SLC35D1: variants seen among roughly 807,000 people sequenced by gnomAD.
The protein encoded by SLC35D1 is nucleotide sugar transporter SLC35D1.
In SLC35D1, 31 loss-of-function variants were observed where a neutral mutation model predicts 46.7. The observed-to-expected ratio is 0.66, with a 90% confidence interval of 0.50 to 0.90. The LOEUF (loss-of-function observed/expected upper bound fraction) is 0.90, where lower values mean the gene tolerates loss of function less well. SLC35D1 is among the 40% of genes least tolerant of loss of function. The pLI, the probability that SLC35D1 is intolerant of heterozygous loss-of-function variation, is 0.00. For synonymous variants in SLC35D1, 195 were observed against 164.6 expected, an observed-to-expected ratio of 1.18 and a Z score of -1.41; for missense variants, 397 against 426.2, an observed-to-expected ratio of 0.93 and a Z score of 0.60.
the SLC35D1 span, among the ~76,000 whole-genome samples, chr1:66,982,801 T>A: frequency 0.11 from 17,437 of 152,218 alleles, 2,424 homozygotes; most frequent in African/African-American, 0.34. Context: ...GTTCCCTCAC[T>A]ACTTCTAGGA....
At chr1:67,017,079 T>C (rs1459017338) in intron 10 of SLC35D1, among the ~76,000 whole-genome samples, 2 of 152,164 alleles carry the variant, frequency 1.3e-5, no homozygotes, top group Non-Finnish European at 2.9e-5. Flanking sequence ...TTGAGGCTTT[T>C]AAAAGTCTAA....
the SLC35D1 span, chr1:66,973,005 A>G: frequency 1.3e-6 from 2 of 1,491,396 alleles, no homozygotes; most frequent in African/African-American, 1.4e-5. Flanking sequence ...AGTAATGATA[A>G]TCTCTTTTTT....
chr1:67,053,720 T>G, intron 1 of SLC35D1, 91 bp downstream of exon 1: 1 of 1,234,240 alleles, frequency 8.1e-7, no homozygotes, highest in Non-Finnish European at 1.1e-6. Flanking sequence ...CGGCTTTAAC[T>G]TTGGCAGTCA....
the SLC35D1 span, among the ~76,000 whole-genome samples, chr1:66,975,764 C>T: frequency 2.0e-5 from 3 of 152,110 alleles, no homozygotes; most frequent in Non-Finnish European, 4.4e-5. Flanking sequence ...ACTTAGTAAA[C>T]AAAGCATTAG....
At chr1:66,986,413 A>G in the SLC35D1 span, 4 of 1,613,076 alleles carry the variant, frequency 2.5e-6, 1 homozygote, top group South Asian at 3.3e-5. Context: ...GCATACTCCA[A>G]ATGCTTCTTC....
the SLC35D1 span, among the ~76,000 whole-genome samples, chr1:66,991,199 T>C: frequency 1.3e-5 from 2 of 152,232 alleles, no homozygotes; most frequent in Non-Finnish European, 2.9e-5. Context: ...TCTAGGATTT[T>C]TGAAAACTTT....
At chr1:67,032,285 TA>T (rs766457050) in intron 8 of SLC35D1, among the ~76,000 whole-genome samples, 29 of 152,340 alleles carry the variant, frequency 1.9e-4, no homozygotes, top group Non-Finnish European at 3.7e-4. Flanking sequence ...ACTACGCTTT[TA>T]TTTTTTTTAA....
At chr1:66,974,280 G>T in the SLC35D1 span, among the ~76,000 whole-genome samples, 3 of 151,870 alleles carry the variant, frequency 2.0e-5, no homozygotes, top group African/African-American at 7.3e-5. Context: ...TACCCCTAAT[G>T]TTGTGTTCAT....
rs115734515 is a variant in SLC35D1, at chr1:67,025,367, C to T, written c.730-3765G>A. The stretch of plus-strand genomic sequence containing the variant: ...TTTCCTCATTGATCTATTTTCACAC[C>T]TTTGACAAAAATGATTGCCCACATG... On this transcript the variant is annotated intron_variant, in intron 8 of 11. Coordinates refer to ENST00000235345, the MANE Select transcript of SLC35D1 (RefSeq NM_015139.3). Among the ~76,000 whole-genome samples, 858 of 152,214 alleles carry T rather than the reference C, an allele frequency of 5.6e-3. 6 individuals carry two copies. The highest frequency in any genetic ancestry group is 0.019 in the African/African-American group (798 of 41,546).
the SLC35D1 span, among the ~76,000 whole-genome samples, chr1:66,974,108 T>C: frequency 6.6e-6 from 1 of 152,088 alleles, no homozygotes; most frequent in African/African-American, 2.4e-5. Flanking sequence ...TATTTTTTTT[T>C]TAAGTGGGAA....
At chr1:66,980,378 C>T in the SLC35D1 span, among the ~76,000 whole-genome samples, 2 of 152,148 alleles carry the variant, frequency 1.3e-5, no homozygotes, top group African/African-American at 4.8e-5. Flanking sequence ...TTGCATAGGT[C>T]ATGGTCATAT....
intron 4 of SLC35D1, among the ~76,000 whole-genome samples, chr1:67,051,565 A>C (rs866991209): frequency 6.6e-6 from 1 of 152,180 alleles, no homozygotes. Flanking sequence ...GTTCTAGCTG[A>C]TGTTACCTTA....
the SLC35D1 span, chr1:66,986,425 A>G: frequency 6.2e-7 from 1 of 1,613,314 alleles, no homozygotes; most frequent in Non-Finnish European, 8.5e-7. Context: ...TGCTTCTTCC[A>G]GTTCATTTTT....
the SLC35D1 span, among the ~76,000 whole-genome samples, chr1:66,976,192 T>C: frequency 6.6e-6 from 1 of 151,878 alleles, no homozygotes. Context: ...TTAGTAGAGA[T>C]GGGGTTTCAC....
intron 11 of SLC35D1, among the ~76,000 whole-genome samples, chr1:67,007,432 G>A (rs1343195382): frequency 2.0e-5 from 3 of 151,890 alleles, no homozygotes; most frequent in East Asian, 3.9e-4. Flanking sequence ...TTTGGGAGTT[G>A]AGAGTTCAAC....
chr1:67,012,641 A>G (rs1366381624), intron 10 of SLC35D1, among the ~76,000 whole-genome samples: 4 of 151,648 alleles, frequency 2.6e-5, no homozygotes, highest in Non-Finnish European at 4.4e-5. Flanking sequence ...CAATAGTGTC[A>G]TGGTTAGTCT....
At chr1:67,043,649 CA>C (rs1236939073) in intron 7 of SLC35D1, among the ~76,000 whole-genome samples, 1 of 152,176 alleles carries the variant, frequency 6.6e-6, no homozygotes, top group African/African-American at 2.4e-5. Context: ...CAGCACTTCT[CA>C]GTGAAGTATT....
At chr1:66,974,341 A>T in the SLC35D1 span, among the ~76,000 whole-genome samples, 6 of 152,002 alleles carry the variant, frequency 3.9e-5, no homozygotes, top group South Asian at 2.1e-4. Context: ...GGAGTGCATT[A>T]TGTGACTGGC....
intron 11 of SLC35D1, among the ~76,000 whole-genome samples, chr1:67,004,706 T>C (rs1413657502): frequency 6.6e-6 from 1 of 152,230 alleles, no homozygotes; most frequent in Non-Finnish European, 1.5e-5. Flanking sequence ...TCTAATCCCA[T>C]TTTATTTAAA....
Sources: allele counts gnomAD v4.1 joint callset (sites outside exome capture counted in the v4.1 genomes callset), GRCh38; gene constraint gnomAD v4.1.1; transcripts MANE v1.5; gene names NCBI Gene and HGNC (gene_info 2026-07-23, HGNC 2026-07-21).